The following NRXN3 variants were observed in gnomAD, a reference collection of about 807,000 sequenced individuals.
The protein encoded by NRXN3 is neurexin III.
A neutral mutation model predicts 137.6 loss-of-function variants in NRXN3; 32 were observed. The observed-to-expected ratio is 0.23, with a 90% CI of 0.18 to 0.31. The LOEUF is 0.31. Ranked by LOEUF, NRXN3 falls within the 10% of genes least tolerant of loss-of-function variation. NRXN3 has a pLI of 1.00. For missense variants in NRXN3, 1,574 were observed against 2,062.5 expected, an observed-to-expected ratio of 0.76 and a Z score of 4.59; for synonymous variants, 798 against 784.5, an observed-to-expected ratio of 1.02 and a Z score of -0.29.
chr14:78,618,064 T>A (rs1182854487), intron 4 of NRXN3, among the ~76,000 whole-genome samples: 1 of 152,020 alleles, frequency 6.6e-6, no homozygotes, highest in East Asian at 1.9e-4. Flanking sequence ...ATCTTCTCTG[T>A]CTACTGTTTT....
chr14:79,324,321 C>T (rs2090535363), intron 15 of NRXN3, among the ~76,000 whole-genome samples: 1 of 152,176 alleles, frequency 6.6e-6, no homozygotes, highest in South Asian at 2.1e-4. Flanking sequence ...AATATACACA[C>T]AGACTTTTAC....
chr14:78,935,940 A>G (rs544874857), intron 10 of NRXN3, among the ~76,000 whole-genome samples: 2 of 152,180 alleles, frequency 1.3e-5, no homozygotes, highest in Admixed American at 1.3e-4. Context: ...GCTATAGAGC[A>G]TTTTGAATTC....
At chr14:79,495,382 A>G (rs1356492115) in intron 16 of NRXN3, among the ~76,000 whole-genome samples, 1 of 152,216 alleles carries the variant, frequency 6.6e-6, no homozygotes, top group Non-Finnish European at 1.5e-5. Context: ...AAGCAGGAAC[A>G]GGGAGATGCA....
intron 8 of NRXN3, among the ~76,000 whole-genome samples, chr14:78,735,431 G>T (rs1045235883): frequency 2.0e-5 from 3 of 152,160 alleles, no homozygotes; most frequent in Non-Finnish European, 4.4e-5. Context: ...AGGACAGAGG[G>T]TCTTGCTGTC....
chr14:79,436,355 G>C (rs2095846177), intron 15 of NRXN3, among the ~76,000 whole-genome samples: 1 of 152,072 alleles, frequency 6.6e-6, no homozygotes, highest in African/African-American at 2.4e-5. Context: ...TCTGGTGTTT[G>C]AATGCACCCA....
intron 4 of NRXN3, among the ~76,000 whole-genome samples, chr14:78,456,602 CCTT>C (rs1368516289): frequency 2.6e-5 from 4 of 152,072 alleles, no homozygotes; most frequent in Admixed American, 2.6e-4. Flanking sequence ...CTTTCTCTTA[CCTT>C]CTTATCATCT....
intron 19 of NRXN3, among the ~76,000 whole-genome samples, chr14:79,785,229 T>C (rs902874085): frequency 2.6e-5 from 4 of 152,326 alleles, no homozygotes; most frequent in Admixed American, 2.6e-4. Flanking sequence ...TATAAAAAGA[T>C]CACTTTTCTG....
Position 79,862,074 on chromosome 14 carries a change from G to A in NRXN3, c.*110G>A. ...GTCAGAACTGCTGGAACTATGAAAT[G>A]GGGTATATAACCACGACTCTGGTGG... On this transcript the variant is annotated 3_prime_UTR_variant, in exon 21 of 21. Coordinates refer to ENST00000335750, the MANE Select transcript of NRXN3 (RefSeq NM_001330195.2). 2.1e-6 allele frequency: 2 copies of A among 946,466 alleles called. No homozygotes were observed. The highest frequency in any genetic ancestry group is 3.2e-6 in the Non-Finnish European group (2 of 634,038). 58.6% of individuals were successfully genotyped at this position (946,466 alleles called of 1,614,324 possible). A position where few individuals can be genotyped will look rare whatever the true frequency, so the allele number is the denominator to read the frequency against.
At chr14:78,377,454 G>GA (rs1349584322) in intron 4 of NRXN3, among the ~76,000 whole-genome samples, 1 of 152,222 alleles carries the variant, frequency 6.6e-6, no homozygotes, top group Non-Finnish European at 1.5e-5. Flanking sequence ...GTTATGGTTG[G>GA]AGGCTTCACA....
At chr14:79,113,013 G>A (rs1046441724) in intron 15 of NRXN3, among the ~76,000 whole-genome samples, 6 of 152,090 alleles carry the variant, frequency 3.9e-5, no homozygotes, top group Non-Finnish European at 5.9e-5. Flanking sequence ...ACAGTAGACC[G>A]ACCTTTCTCA....
At chr14:78,975,702 A>G (rs1300520459) in intron 14 of NRXN3, among the ~76,000 whole-genome samples, 1 of 152,218 alleles carries the variant, frequency 6.6e-6, no homozygotes, top group Non-Finnish European at 1.5e-5. Context: ...TGACTTGGTC[A>G]AGGAGGTAAA....
intron 4 of NRXN3, among the ~76,000 whole-genome samples, chr14:78,446,863 C>A (rs760013493): frequency 6.6e-6 from 1 of 152,156 alleles, no homozygotes; most frequent in East Asian, 1.9e-4. Flanking sequence ...GCCATCACTT[C>A]TAGGTGTCTA....
intron 1 of NRXN3, among the ~76,000 whole-genome samples, chr14:78,236,738 C>A (rs1028166142): frequency 0.013 from 1,971 of 146,710 alleles, 53 homozygotes; most frequent in African/African-American, 0.046. Flanking sequence ...TTCCCCCCCC[C>A]CTTTTTTTTG....
chr14:79,739,537 A>T (rs2192425), intron 19 of NRXN3, among the ~76,000 whole-genome samples: 1 of 150,746 alleles, frequency 6.6e-6, no homozygotes, highest in Admixed American at 6.6e-5. Flanking sequence ...CCAGCTACTC[A>T]GGAGGCTGAG....
chr14:79,155,660 G>T (rs1166039455), intron 15 of NRXN3, among the ~76,000 whole-genome samples: 1 of 151,720 alleles, frequency 6.6e-6, no homozygotes, highest in Non-Finnish European at 1.5e-5. Context: ...TTTTAGCTAT[G>T]TATTATAGCC....
At chr14:79,813,892 T>A (rs550791753) in intron 20 of NRXN3, among the ~76,000 whole-genome samples, 81 of 152,304 alleles carry the variant, frequency 5.3e-4, no homozygotes, top group African/African-American at 1.9e-3. Flanking sequence ...TCTCCACAAA[T>A]TTCAGATGGC....
At chr14:79,655,508 A>G (rs111868417) in intron 16 of NRXN3, among the ~76,000 whole-genome samples, 2,578 of 152,310 alleles carry the variant, frequency 0.017, 76 homozygotes, top group African/African-American at 0.057. Context: ...GCGTGCATAT[A>G]TACCATACAG....
Position 78,304,530 on chromosome 14 carries a change from C to T in NRXN3, c.757+6670C>T, listed in dbSNP as rs190316119. Reference sequence around the variant, plus strand: ...GGCTCACACAGAGGACTTCAGCAACCAGCCTTGGTCAGGTATTTCGAAAGC... The same window carrying T: ...GGCTCACACAGAGGACTTCAGCAACTAGCCTTGGTCAGGTATTTCGAAAGC... On this transcript the variant is annotated intron_variant, in intron 4 of 20. Coordinates refer to ENST00000335750, the MANE Select transcript of NRXN3 (RefSeq NM_001330195.2). Among the ~76,000 whole-genome samples the T allele has an allele frequency of 5.3e-5, 8 of 152,292 alleles. No homozygotes were observed. In the East Asian group the frequency reaches 1.4e-3, roughly 26 times the overall value.
intron 15 of NRXN3, among the ~76,000 whole-genome samples, chr14:79,315,278 A>T (rs969957975): frequency 2.0e-5 from 3 of 152,224 alleles, no homozygotes; most frequent in African/African-American, 7.2e-5. Flanking sequence ...CTAATAACTT[A>T]GTTGTTAGTC....
Sources: allele counts gnomAD v4.1 joint callset (sites outside exome capture counted in the v4.1 genomes callset), GRCh38; gene constraint gnomAD v4.1.1; transcripts MANE v1.5; gene names NCBI Gene and HGNC (gene_info 2026-07-23, HGNC 2026-07-21).